CABP1: variants seen among roughly 807,000 people sequenced by gnomAD.
CABP1 encodes calcium binding protein 1.
Under a neutral mutation model 34.3 loss-of-function variants are expected in CABP1, and 17 were observed. That is an observed-to-expected ratio of 0.50 (90% CI 0.34 to 0.74). The LOEUF (loss-of-function observed/expected upper bound fraction) is 0.74, where lower values mean the gene tolerates loss of function less well. CABP1 is among the 30% of genes least tolerant of loss of function. CABP1 has a pLI of 0.01. For missense variants in CABP1, 373 were observed against 511.1 expected, an observed-to-expected ratio of 0.73 and a Z score of 2.61; for synonymous variants, 198 against 229.2, an observed-to-expected ratio of 0.86 and a Z score of 1.23.
chr12:120,640,727 C>A lies in CABP1; in HGVS notation c.42C>A (p.Asp14Glu). 1 of 1,181,730 alleles carries A rather than the reference C, an allele frequency of 8.5e-7. No homozygotes were observed. Among genetic ancestry groups the A allele is most frequent in the Non-Finnish European group, 1.0e-6 (1 of 955,822 alleles). 73.2% of individuals were successfully genotyped at this position (1,181,730 alleles called of 1,614,324 possible). Residue 14 changes from aspartate (D) to glutamate (E), a missense_variant, in exon 1 of 6, where the codon GAC (aspartate) becomes GAA (glutamate). This residue lies in a region of CABP1 where 134 missense variants were observed against 145.4 expected (regional missense o/e 0.92). Coordinates refer to ENST00000316803, the MANE Select transcript of CABP1 (RefSeq NM_001033677.2). The surrounding 1 kb of genome is among the most constrained non-coding windows in gnomAD (Gnocchi z 6.2). ...GDGAAFKRPG[D>E]GARLQRVLGL... The stretch of plus-strand genomic sequence containing the variant: ...GGGCCGCATTTAAGCGGCCGGGGGA[C>A]GGCGCCCGCCTCCAGCGCGTCCTCG...
Position 120,650,806 on chromosome 12 carries a change from G to A in CABP1, c.655-9072G>A, listed in dbSNP as rs1879796805. 16 of 989,442 alleles carry A rather than the reference G, an allele frequency of 1.6e-5. 1 individual carries two copies. In the South Asian group the frequency reaches 1.9e-4, roughly 12 times the overall value. 61.3% of individuals were successfully genotyped at this position (989,442 alleles called of 1,614,324 possible). A position where few individuals can be genotyped will look rare whatever the true frequency, so the allele number is the denominator to read the frequency against. Reference sequence around the variant, plus strand: ...ATCCTTCCCAGGGGTTCTGTCCAGGGCTGCCTCCCTGCTTCTACCCCAAAC... The same window carrying A: ...ATCCTTCCCAGGGGTTCTGTCCAGGACTGCCTCCCTGCTTCTACCCCAAAC... On this transcript the variant is annotated intron_variant, in intron 1 of 5. Transcript: ENST00000316803.
intron 1 of CABP1, chr12:120,650,781 A>G: frequency 2.4e-6 from 3 of 1,274,634 alleles, no homozygotes; most frequent in East Asian, 2.3e-5. Flanking sequence ...GGAGCTTGCT[A>G]TCCTTCCCAG....
At chr12:120,680,058 G>A in the CABP1 span, among the ~76,000 whole-genome samples, 2 of 151,952 alleles carry the variant, frequency 1.3e-5, no homozygotes, top group Admixed American at 1.3e-4. Context: ...TGTAATCCCA[G>A]CTACTCAAGG....
chr12:120,641,480 G>C lies in CABP1; in HGVS notation c.654+141G>C. The stretch of plus-strand genomic sequence containing the variant: ...CGGCTCACCTCGTCCTCCCCGGGCC[G>C]GCGCCCTTGCCGGCACTCCTCCTCC... On this transcript the variant is annotated intron_variant, in intron 1 of 5. Coordinates refer to ENST00000316803, the MANE Select transcript of CABP1 (RefSeq NM_001033677.2). This position sits in a 1 kb window ranked among gnomAD's most constrained non-coding sequence, Gnocchi z 6.7. 1 of 961,804 alleles carries C rather than the reference G, an allele frequency of 1.0e-6. No individual in the cohort carries two copies. Among genetic ancestry groups the C allele is most frequent in the Non-Finnish European group, 1.3e-6 (1 of 742,246 alleles). The allele number at this position is 961,804 out of a possible 1,614,324, so 59.6% of individuals were successfully genotyped here.
chr12:120,679,402 G>A, the CABP1 span, among the ~76,000 whole-genome samples: 4 of 152,186 alleles, frequency 2.6e-5, no homozygotes, highest in Non-Finnish European at 4.4e-5. Context: ...CTGCAAAAAA[G>A]GGAACATGAC....
intron 1 of CABP1, among the ~76,000 whole-genome samples, chr12:120,648,849 C>T (rs1199118682): frequency 6.6e-6 from 1 of 151,478 alleles, no homozygotes; most frequent in Non-Finnish European, 1.5e-5. Flanking sequence ...GCACTGCACT[C>T]CAGCCTGGGC....
intron 5 of CABP1, among the ~76,000 whole-genome samples, chr12:120,663,259 A>T (rs1880767049): frequency 7.3e-6 from 1 of 136,404 alleles, no homozygotes; most frequent in Non-Finnish European, 1.6e-5. Flanking sequence ...GCTCAGTGAA[A>T]GGTTATTTAT....
At chr12:120,666,345 A>G (rs865984262) in intron 5 of CABP1, among the ~76,000 whole-genome samples, 1 of 150,952 alleles carries the variant, frequency 6.6e-6, no homozygotes, top group African/African-American at 2.4e-5. Flanking sequence ...GTGGTAGTGC[A>G]CACCTGTAAT....
intron 1 of CABP1, among the ~76,000 whole-genome samples, chr12:120,643,595 T>A (rs28602276): frequency 2.6e-5 from 4 of 152,242 alleles, no homozygotes; most frequent in East Asian, 1.9e-4. Flanking sequence ...ATTTCTTTTT[T>A]AAAAAATATA....
chr12:120,650,488 C>G (rs1487152069), intron 1 of CABP1: 20 of 1,517,648 alleles, frequency 1.3e-5, no homozygotes, highest in Non-Finnish European at 1.7e-5. Context: ...AGAGCACGCG[C>G]GCAAGAGAGG....
rs981884869 is a variant in CABP1, at chr12:120,666,905, G to A, written c.*5G>A. On this transcript the variant is annotated 3_prime_UTR_variant, in exon 6 of 6. Coordinates refer to ENST00000316803, the MANE Select transcript of CABP1 (RefSeq NM_001033677.2). ...GTCCGGATGATGTCCCGCTGAGGCC[G>A]CGAGGGCCCCTCCAGGACTGCCAAG... 3 of 1,603,760 alleles carry A rather than the reference G, an allele frequency of 1.9e-6. No individual in the cohort carries two copies. Among genetic ancestry groups the A allele is most frequent in the South Asian group, 1.1e-5 (1 of 89,998 alleles).
chr12:120,662,428 T>C (rs913498247), intron 5 of CABP1: 1 of 152,254 alleles, frequency 6.6e-6, no homozygotes, highest in African/African-American at 2.4e-5. Context: ...TGGCAGGATC[T>C]TGGCTCACTG....
At chr12:120,678,843 G>T in the CABP1 span, among the ~76,000 whole-genome samples, 1 of 152,048 alleles carries the variant, frequency 6.6e-6, no homozygotes. Context: ...ATGCTGAGGG[G>T]GGGGCAGATC....
chr12:120,641,143 C>T lies in CABP1; in HGVS notation c.458C>T (p.Ala153Val), dbSNP rs1322255617. The T allele has an allele frequency of 2.4e-6, 3 of 1,233,058 alleles. No individual in the cohort carries two copies. In the East Asian group the frequency reaches 9.7e-5, roughly 40 times the overall value. The allele number at this position is 1,233,058 out of a possible 1,614,324, so 76.4% of individuals were successfully genotyped here. ...CCCCGGGAGGCGCTGCCGGCCGCGG[C>T]GTCCCGACCTTCGCCGTCGTCGCCG... ...CRPREALPAA[A>V]SRPSPSSPLP... Residue 153 changes from alanine (A) to valine (V), a missense_variant, in exon 1 of 6, where the codon GCG becomes GTG. Ala to Val is a moderately conservative substitution (Grantham distance 64). Transcript: ENST00000316803. The surrounding 1 kb of genome is among the most constrained non-coding windows in gnomAD (Gnocchi z 6.7).
chr12:120,647,202 G>A (rs890711774), intron 1 of CABP1, among the ~76,000 whole-genome samples: 2 of 152,130 alleles, frequency 1.3e-5, no homozygotes, highest in African/African-American at 4.8e-5. Context: ...GCTGGGCAGG[G>A]GAAGACGGCG....
downstream of CABP1, among the ~76,000 whole-genome samples, chr12:120,668,418 G>A (rs1449559620): frequency 6.6e-6 from 1 of 152,224 alleles, no homozygotes; most frequent in African/African-American, 2.4e-5. Context: ...GGAGGCTGCA[G>A]TGGGCCGAGA....
At chr12:120,657,478 T>G (rs988294980) in intron 1 of CABP1, among the ~76,000 whole-genome samples, 3 of 152,144 alleles carry the variant, frequency 2.0e-5, no homozygotes, top group Admixed American at 2.0e-4. Context: ...AGCTTCATAC[T>G]CAGGTCTGTC....
chr12:120,664,880 G>GAAA (rs77147570), intron 5 of CABP1, among the ~76,000 whole-genome samples: 55 of 120,560 alleles, frequency 4.6e-4, no homozygotes, highest in Admixed American at 1.2e-3. Context: ...GTCTCAAAAA[G>GAAA]AAAAAAAAAA....
At chr12:120,651,581 G>A (rs1312225590) in intron 1 of CABP1, among the ~76,000 whole-genome samples, 1 of 152,166 alleles carries the variant, frequency 6.6e-6, no homozygotes, top group Non-Finnish European at 1.5e-5. Flanking sequence ...TTCCAGACAA[G>A]GAACTTGATT....
Sources: allele counts gnomAD v4.1 joint callset (sites outside exome capture counted in the v4.1 genomes callset), GRCh38; gene constraint gnomAD v4.1.1; regional missense constraint gnomAD v4.1.1; non-coding constraint Gnocchi (gnomAD v3.1); transcripts MANE v1.5; gene names NCBI Gene and HGNC (gene_info 2026-07-23, HGNC 2026-07-21).